Variants in LRRTM4 observed in about 807,000 individuals in gnomAD.
The protein encoded by LRRTM4 is leucine rich repeat transmembrane neuronal 4.
LRRTM4 carries 25 observed loss-of-function variants against 47.6 expected under a neutral mutation model. That is an observed-to-expected ratio of 0.53 (90% CI 0.38 to 0.73). The LOEUF (loss-of-function observed/expected upper bound fraction) is 0.73. Ranked by LOEUF, LRRTM4 falls within the 30% of genes least tolerant of loss-of-function variation. The pLI is 0.00. For missense variants in LRRTM4, 638 were observed against 713.4 expected (o/e 0.89, Z 1.20); for synonymous variants, 311 against 269.5 (o/e 1.15, Z -1.51).
chr2:77,145,785 A>AAATAAATAAATAAATAAATT, intron 3 of LRRTM4, among the ~76,000 whole-genome samples: 1 of 150,890 alleles, frequency 6.6e-6, no homozygotes, highest in African/African-American at 2.4e-5. Flanking sequence ...AAAAATAAAT[A>AAATAAATAAATAAATAAATT]AATAAATAAA....
chr2:76,817,506 A>T (rs1381660501), intron 3 of LRRTM4, among the ~76,000 whole-genome samples: 1 of 151,962 alleles, frequency 6.6e-6, no homozygotes, highest in Non-Finnish European at 1.5e-5. Flanking sequence ...TCACAAAAAT[A>T]CTAGTTATTT....
chr2:77,114,014 A>G (rs1305317965), intron 3 of LRRTM4, among the ~76,000 whole-genome samples: 1 of 152,098 alleles, frequency 6.6e-6, no homozygotes, highest in Non-Finnish European at 1.5e-5. Flanking sequence ...TAGATATTGA[A>G]TTCTCAACAT....
At chr2:76,839,966 G>A (rs1248879349) in intron 3 of LRRTM4, among the ~76,000 whole-genome samples, 1 of 152,082 alleles carries the variant, frequency 6.6e-6, no homozygotes, top group African/African-American at 2.4e-5. Context: ...TGTCTCCTAT[G>A]TGTCACACAT....
At chr2:77,350,490 T>A (rs181966251) in intron 3 of LRRTM4, among the ~76,000 whole-genome samples, 1 of 152,022 alleles carries the variant, frequency 6.6e-6, no homozygotes, top group African/African-American at 2.4e-5. Context: ...ATAGTATGTA[T>A]AGTCCAGTGT....
chr2:77,311,077 T>C (rs943797599), intron 3 of LRRTM4, among the ~76,000 whole-genome samples: 3 of 151,722 alleles, frequency 2.0e-5, no homozygotes, highest in African/African-American at 7.3e-5. Context: ...TATATATCAT[T>C]TGACCTAAAA....
chr2:77,398,249 C>T (rs774598065), intron 3 of LRRTM4, among the ~76,000 whole-genome samples: 3 of 151,842 alleles, frequency 2.0e-5, no homozygotes, highest in African/African-American at 7.2e-5. Flanking sequence ...ATTTACAATA[C>T]GTCTTCATAA....
rs548140986 is a variant in LRRTM4 at position 77,424,090 on chromosome 2, CTT to C, written c.1551+94226_1551+94227del. On this transcript the variant is annotated intron_variant, in intron 3 of 3. Coordinates refer to ENST00000409884, the MANE Select transcript of LRRTM4 (RefSeq NM_001134745.3). ...ATTTTTAAAACATTTATATCAACAA[CTT>C]TATGGGTGGCAGATGTTACTGTACT... Among the ~76,000 whole-genome samples the C allele has an allele frequency of 3.6e-5, 5 of 139,004 alleles. No homozygotes were observed. In the South Asian group the frequency reaches 1.2e-3, roughly 33 times the overall value. 91.2% of individuals were successfully genotyped at this position (139,004 alleles called of 152,430 possible). A position where few individuals can be genotyped will look rare whatever the true frequency, so the allele number is the denominator to read the frequency against.
intron 3 of LRRTM4, among the ~76,000 whole-genome samples, chr2:77,391,486 C>T (rs554386270): frequency 6.0e-4 from 91 of 152,048 alleles, no homozygotes; most frequent in Middle Eastern, 3.4e-3. Flanking sequence ...TTATTCAGTT[C>T]ACATCTGTCT....
At chr2:76,826,431 A>C (rs2103878042) in intron 3 of LRRTM4, among the ~76,000 whole-genome samples, 1 of 151,742 alleles carries the variant, frequency 6.6e-6, no homozygotes, top group South Asian at 2.1e-4. Flanking sequence ...AAAAAATAAT[A>C]AAGCTTGACA....
intron 3 of LRRTM4, among the ~76,000 whole-genome samples, chr2:77,357,690 T>C (rs1672019386): frequency 6.6e-6 from 1 of 152,190 alleles, no homozygotes; most frequent in African/African-American, 2.4e-5. Context: ...TTTTATAAAT[T>C]TAAGATTAAA....
chr2:77,172,655 T>C (rs529790792), intron 3 of LRRTM4, among the ~76,000 whole-genome samples: 1 of 152,114 alleles, frequency 6.6e-6, no homozygotes, highest in Admixed American at 6.6e-5. Context: ...ATACAAACAA[T>C]AGCATTCTTT....
At chr2:76,860,458 A>C (rs1315534853) in intron 3 of LRRTM4, among the ~76,000 whole-genome samples, 2 of 152,140 alleles carry the variant, frequency 1.3e-5, no homozygotes, top group Non-Finnish European at 2.9e-5. Context: ...TATCTTAGAA[A>C]ATATCCTTCG....
intron 3 of LRRTM4, among the ~76,000 whole-genome samples, chr2:77,453,176 A>ATTTTTTTTTTTTTTTTTTTTTTTGT (rs1676331927): frequency 1.0e-5 from 1 of 99,506 alleles, no homozygotes; most frequent in Non-Finnish European, 2.0e-5. Context: ...TTTCTTCTTG[A>ATTTTTTTTTTTTTTTTTTTTTTTGT]TTTTTTTTTT....
chr2:76,996,910 A>G (rs1303052432), intron 3 of LRRTM4, among the ~76,000 whole-genome samples: 1 of 152,120 alleles, frequency 6.6e-6, no homozygotes, highest in Non-Finnish European at 1.5e-5. Context: ...GAACTTGTCA[A>G]TGTTTCTATA....
intron 3 of LRRTM4, among the ~76,000 whole-genome samples, chr2:77,248,529 G>C (rs904779018): frequency 3.3e-5 from 5 of 151,984 alleles, no homozygotes; most frequent in Admixed American, 3.3e-4. Flanking sequence ...TTATCTTGTA[G>C]ATATAAACAA....
chr2:77,049,145 T>TATATAC (rs1679339326), intron 3 of LRRTM4, among the ~76,000 whole-genome samples: 2 of 133,860 alleles, frequency 1.5e-5, no homozygotes, highest in African/African-American at 6.3e-5. Flanking sequence ...TATATATATA[T>TATATAC]ATATATATAT....
intron 3 of LRRTM4, among the ~76,000 whole-genome samples, chr2:76,769,354 G>A (rs1673587255): frequency 1.3e-5 from 2 of 151,924 alleles, no homozygotes; most frequent in Non-Finnish European, 2.9e-5. Flanking sequence ...ATAAAATGAA[G>A]AAATTAATTT....
intron 3 of LRRTM4, among the ~76,000 whole-genome samples, chr2:76,929,103 T>A (rs1674682462): frequency 6.6e-6 from 1 of 152,130 alleles, no homozygotes; most frequent in South Asian, 2.1e-4. Context: ...CTACATATTT[T>A]AACCTCAAGC....
intron 3 of LRRTM4, among the ~76,000 whole-genome samples, chr2:77,160,239 A>T (rs1672675329): frequency 1.3e-5 from 2 of 152,144 alleles, no homozygotes; most frequent in Admixed American, 1.3e-4. Flanking sequence ...GATGGCTTTC[A>T]CAGACTTTTA....
Sources: gnomAD v4.1 joint callset for allele counts (sites outside exome capture counted in the v4.1 genomes callset) on GRCh38, gnomAD v4.1.1 for gene constraint, MANE v1.5 for transcripts, NCBI Gene and HGNC (gene_info 2026-07-23, HGNC 2026-07-21) for gene names.